MACO1: variants seen among roughly 807,000 people sequenced by gnomAD.
MACO1 encodes the protein macoilin.
In MACO1, 14 loss-of-function variants were observed where a neutral mutation model predicts 78.7. The ratio of observed to expected loss-of-function variants is 0.18; its 90% CI spans 0.12 to 0.28. MACO1 has a LOEUF of 0.28. MACO1 is among the 10% of genes least tolerant of loss of function. MACO1 has a pLI of 1.00. For synonymous variants in MACO1, 288 were observed against 291.6 expected (o/e 0.99, Z 0.12); for missense variants, 501 against 799.0 (o/e 0.63, Z 4.50).
intron 6 of MACO1, among the ~76,000 whole-genome samples, chr1:25,483,210 C>G (rs1022402275): frequency 5.3e-5 from 8 of 152,148 alleles, no homozygotes; most frequent in African/African-American, 1.9e-4. Context: ...GCCACCATGC[C>G]CAGCTAATTT....
At chr1:25,476,451 T>C (rs969674315) in intron 6 of MACO1, among the ~76,000 whole-genome samples, 3 of 152,242 alleles carry the variant, frequency 2.0e-5, no homozygotes, top group Admixed American at 1.3e-4. Context: ...TTATACCTGC[T>C]ACACTGAAGC....
rs188256455 is a variant in MACO1 at position 25,464,735 on chromosome 1, C to A, written c.1154+5843C>A. 2.0e-3 allele frequency among the ~76,000 whole-genome samples: 304 copies of A among 149,494 alleles called. 2 individuals are homozygous for A. The highest frequency in any genetic ancestry group is 7.2e-3 in the African/African-American group (291 of 40,512). ...TGCAAGATGCTATCTCAGTTCACTG[C>A]AACCTTCACCTCCCGGGTTCAAGTG... On this transcript the variant is annotated intron_variant, in intron 6 of 10. Coordinates refer to ENST00000374343, the MANE Select transcript of MACO1 (RefSeq NM_018202.6).
At chr1:25,471,387 C>T (rs2043269878) in intron 6 of MACO1, among the ~76,000 whole-genome samples, 1 of 151,806 alleles carries the variant, frequency 6.6e-6, no homozygotes, top group East Asian at 1.9e-4. Context: ...AGATATATTT[C>T]TCATGTGCAC....
intron 6 of MACO1, among the ~76,000 whole-genome samples, chr1:25,462,796 G>A: frequency 6.6e-6 from 1 of 151,648 alleles, no homozygotes; most frequent in African/African-American, 2.4e-5. Context: ...AAAAGGGCGG[G>A]CAGTCTGGCA....
rs113662031 is a variant in MACO1 at position 25,444,286 on chromosome 1, A to G, written c.81-2476A>G. 4.7e-5 allele frequency among the ~76,000 whole-genome samples: 7 copies of G among 150,448 alleles called. 1 individual carries two copies. The highest frequency in any genetic ancestry group is 1.7e-4 in the African/African-American group (7 of 41,218). Reference sequence around the variant, plus strand: ...AATAAATAAATAAATAAATAAAGAGATGGGGGTCTCACTTTGTTGACCAGG... The same window carrying G: ...AATAAATAAATAAATAAATAAAGAGGTGGGGGTCTCACTTTGTTGACCAGG... On this transcript the variant is annotated intron_variant, in intron 1 of 10. Coordinates refer to ENST00000374343, the MANE Select transcript of MACO1 (RefSeq NM_018202.6).
intron 6 of MACO1, among the ~76,000 whole-genome samples, chr1:25,475,020 G>A (rs1403291415): frequency 6.6e-6 from 1 of 152,190 alleles, no homozygotes; most frequent in African/African-American, 2.4e-5. Flanking sequence ...AGGAGCAGAT[G>A]AATAGGAAGT....
At chr1:25,479,749 T>C (rs371946765) in intron 6 of MACO1, among the ~76,000 whole-genome samples, 8 of 152,166 alleles carry the variant, frequency 5.3e-5, no homozygotes, top group Admixed American at 3.9e-4. Flanking sequence ...CATTTTTCTA[T>C]TGGGCAAATG....
Position 25,491,595 on chromosome 1 carries a change from G to A in MACO1, c.1792+11G>A, listed in dbSNP as rs746089182. 16 of 1,612,526 alleles carry A rather than the reference G, an allele frequency of 9.9e-6. No homozygotes were observed. Among genetic ancestry groups the A allele is most frequent in the South Asian group, 6.6e-5 (6 of 91,036 alleles). On this transcript the variant is annotated intron_variant, in intron 10 of 10. Coordinates refer to ENST00000374343, the MANE Select transcript of MACO1 (RefSeq NM_018202.6). ...TCGAGATTGCCCAAGGTAGGAGAAC[G>A]TGGGCCCCTGGTGAGGTGGTGTGAC...
intron 6 of MACO1, 110 bp downstream of exon 6, chr1:25,459,002 A>G: frequency 1.5e-6 from 2 of 1,355,978 alleles, no homozygotes; most frequent in Non-Finnish European, 2.0e-6. Context: ...TATTGTGACT[A>G]GTGACGTGTG....
At position 25,484,094 on chromosome 1, in the gene MACO1, G is replaced by T. The variant is rs766770659; in HGVS notation, c.1155-22G>T. The T allele has an allele frequency of 6.3e-6, 10 of 1,594,660 alleles. 1 individual carries two copies. In the South Asian group the frequency reaches 1.1e-4, roughly 18 times the overall value. On this transcript the variant is annotated intron_variant, in intron 6 of 10. Coordinates refer to ENST00000374343, the MANE Select transcript of MACO1 (RefSeq NM_018202.6). ...TGGGTGCCCTCACCTAGATGAAAAT[G>T]CTGCATTTCTCATTCTCCTAGGCTG... is the stretch of plus-strand genomic sequence containing the variant.
chr1:25,489,100 C>G, intron 8 of MACO1, 73 bp from the exon 9 acceptor site: 1 of 1,527,370 alleles, frequency 6.5e-7, no homozygotes, highest in Non-Finnish European at 8.8e-7. Context: ...GGATTACAGG[C>G]CTGAGTCACA....
At chr1:25,441,442 C>T (rs1306120290) in intron 1 of MACO1, among the ~76,000 whole-genome samples, 4 of 152,206 alleles carry the variant, frequency 2.6e-5, no homozygotes, top group African/African-American at 9.7e-5. Flanking sequence ...GCCTCAGCCT[C>T]CCAAAGTGCT....
intron 3 of MACO1, among the ~76,000 whole-genome samples, chr1:25,451,595 C>T (rs561076512): frequency 1.3e-5 from 2 of 152,100 alleles, no homozygotes; most frequent in African/African-American, 4.8e-5. Flanking sequence ...TGCTGTTCTT[C>T]CTCCTACATT....
At chr1:25,487,422 GGA>G (rs2043443629) in intron 8 of MACO1, among the ~76,000 whole-genome samples, 1 of 152,134 alleles carries the variant, frequency 6.6e-6, no homozygotes, top group Admixed American at 6.5e-5. Context: ...CAAAGTGCTG[GGA>G]TTACAGGCGT....
intron 6 of MACO1, among the ~76,000 whole-genome samples, chr1:25,466,833 T>C (rs2043223831): frequency 6.6e-6 from 1 of 152,238 alleles, no homozygotes; most frequent in Non-Finnish European, 1.5e-5. Flanking sequence ...ATCATGCCTT[T>C]AGAGTTGTTT....
intron 6 of MACO1, among the ~76,000 whole-genome samples, chr1:25,480,490 T>G (rs1173794533): frequency 6.6e-6 from 1 of 152,228 alleles, no homozygotes; most frequent in African/African-American, 2.4e-5. Context: ...GTATAACATA[T>G]ATACACACCA....
intron 4 of MACO1, 32 bp downstream of exon 4, chr1:25,454,414 GTGTA>G: frequency 7.0e-7 from 1 of 1,423,508 alleles, no homozygotes; most frequent in South Asian, 1.3e-5. Flanking sequence ...GTGTGTGTGT[GTGTA>G]TATGTGTGTA....
At chr1:25,437,094 C>G (rs1048820922) in intron 1 of MACO1, among the ~76,000 whole-genome samples, 1 of 151,388 alleles carries the variant, frequency 6.6e-6, no homozygotes, top group African/African-American at 2.4e-5. Flanking sequence ...TAATCTCATT[C>G]TGTTTTTGAA....
chr1:25,489,080 C>T (rs1391311360), intron 8 of MACO1, 93 bp from the exon 9 acceptor site: 2 of 1,463,084 alleles, frequency 1.4e-6, no homozygotes, highest in African/African-American at 2.9e-5. Flanking sequence ...CTCGGCCTCC[C>T]AAAGTGCTGG....
Sources: allele counts gnomAD v4.1 joint callset (sites outside exome capture counted in the v4.1 genomes callset), GRCh38; gene constraint gnomAD v4.1.1; transcripts MANE v1.5; gene names NCBI Gene and HGNC (gene_info 2026-07-23, HGNC 2026-07-21).